The following TENM1 variants were observed in gnomAD, a reference collection of about 807,000 sequenced individuals.
TENM1 encodes the protein teneurin transmembrane protein 1.
Under a neutral mutation model 174.8 loss-of-function variants are expected in TENM1, and 35 were observed. The ratio of observed to expected loss-of-function variants is 0.20; its 90% CI spans 0.15 to 0.27. TENM1 has a LOEUF of 0.27. Ranked by LOEUF, TENM1 falls within the 10% of genes least tolerant of loss-of-function variation. The probability of loss-of-function intolerance (pLI) is 1.00; values close to 1 mark genes in which losing one functional copy is unlikely to be tolerated. For missense variants in TENM1, 1,633 were observed against 2,130.1 expected (o/e 0.77, Z 4.59); for synonymous variants, 781 against 798.7 (o/e 0.98, Z 0.37).
intron 20 of TENM1, among the ~76,000 whole-genome samples, chrX:124,494,771 T>C (rs1339707946): frequency 9.2e-6 from 1 of 109,165 alleles, no homozygotes; most frequent in South Asian, 4.1e-4. Flanking sequence ...TGTTTGGTTT[T>C]CTGCTCTTGC....
At chrX:124,486,079 T>G (rs922350569) in intron 21 of TENM1, among the ~76,000 whole-genome samples, 5 of 111,983 alleles carry the variant, frequency 4.5e-5, no homozygotes, top group Non-Finnish European at 7.5e-5. Context: ...CAAGTGTACT[T>G]TAGCTCTTTT....
intron 3 of TENM1, among the ~76,000 whole-genome samples, chrX:124,890,564 G>T (rs1307459921): frequency 8.9e-6 from 1 of 111,865 alleles, no homozygotes; most frequent in Non-Finnish European, 1.9e-5. Context: ...TGGCCAACAG[G>T]TATATGACAA....
intron 3 of TENM1, among the ~76,000 whole-genome samples, chrX:124,822,971 T>C (rs1000342591): frequency 2.7e-5 from 3 of 112,423 alleles, no homozygotes; most frequent in Non-Finnish European, 5.6e-5. Flanking sequence ...AAGTAATGGA[T>C]GATAGCTGAA....
At chrX:125,058,858 T>A in the TENM1 span, among the ~76,000 whole-genome samples, 1 of 110,907 alleles carries the variant, frequency 9.0e-6, no homozygotes, top group Non-Finnish European at 1.9e-5. Flanking sequence ...TATACATTAC[T>A]TTTTAAGAAC....
chrX:125,198,052 C>T, the TENM1 span, among the ~76,000 whole-genome samples: 1 of 111,898 alleles, frequency 8.9e-6, no homozygotes, highest in African/African-American at 3.2e-5. Context: ...AACTCATAAT[C>T]AGCCACAAAA....
At chrX:124,653,386 T>C (rs1477272926) in intron 7 of TENM1, among the ~76,000 whole-genome samples, 198 bp downstream of exon 10, 1 of 111,601 alleles carries the variant, frequency 9.0e-6, no homozygotes, top group Non-Finnish European at 1.9e-5. Flanking sequence ...CTGAATCTGC[T>C]CTGCTAAATG....
At chrX:124,752,520 G>T (rs2054102650) in intron 3 of TENM1, among the ~76,000 whole-genome samples, 2 of 111,484 alleles carry the variant, frequency 1.8e-5, no homozygotes, top group African/African-American at 6.5e-5. Context: ...GTCAATTTTG[G>T]CTTTCGTTGC....
chrX:124,967,870 C>A (rs2147832718), upstream of TENM1, among the ~76,000 whole-genome samples: 1 of 111,895 alleles, frequency 8.9e-6, no homozygotes, highest in East Asian at 2.8e-4. Flanking sequence ...CCACTAGGGT[C>A]ATCATCACAA....
intron 4 of TENM1, among the ~76,000 whole-genome samples, chrX:124,725,759 G>A (rs1035464988): frequency 4.5e-5 from 5 of 112,222 alleles, no homozygotes; most frequent in Admixed American, 9.4e-5. Context: ...ACACACACAC[G>A]TGCAGATACA....
chrX:124,583,598 G>C (rs748178275), intron 11 of TENM1, among the ~76,000 whole-genome samples: 5 of 111,299 alleles, frequency 4.5e-5, no homozygotes, highest in African/African-American at 1.6e-4. Context: ...AAACAGAGCA[G>C]AAAAACTGGA....
rs189655282 is a variant in TENM1 at position 124,485,503 on chromosome X, C to T, written c.3716+1706G>A. Among the ~76,000 whole-genome samples, 283 of 111,526 alleles carry T rather than the reference C, an allele frequency of 2.5e-3. 1 individual carries two copies. The highest frequency in any genetic ancestry group is 8.6e-3 in the African/African-American group (264 of 30,612). ...TTCTAGAAAAAAGAAGGGGTCAAAACCCTTCTTTGAAACAACTACAATATT... is the reference window on the plus strand; with the variant it reads ...TTCTAGAAAAAAGAAGGGGTCAAAATCCTTCTTTGAAACAACTACAATATT... On this transcript the variant is annotated intron_variant, in intron 21 of 31. Coordinates refer to ENST00000422452, the Ensembl canonical transcript of TENM1.
chrX:125,174,582 G>T, the TENM1 span, among the ~76,000 whole-genome samples: 6 of 111,348 alleles, frequency 5.4e-5, no homozygotes, highest in Non-Finnish European at 1.1e-4. Context: ...ATATCTACCA[G>T]ACTCATGTTT....
chrX:124,631,918 G>GTT (rs758718265), intron 11 of TENM1, among the ~76,000 whole-genome samples: 83 of 83,141 alleles, frequency 1.0e-3, no homozygotes, highest in Non-Finnish European at 9.5e-4. Context: ...AATCCATACA[G>GTT]TTTTTTTTTT....
intron 3 of TENM1, among the ~76,000 whole-genome samples, chrX:124,825,534 A>G (rs1603231887): frequency 9.0e-6 from 1 of 111,161 alleles, no homozygotes; most frequent in East Asian, 2.8e-4. Flanking sequence ...CAATTCAGAT[A>G]TGCTACTTCT....
chrX:124,383,770 A>C (rs767334788), exon 30 of TENM1: 15 of 1,211,417 alleles, frequency 1.2e-5, no homozygotes, highest in Non-Finnish European at 1.7e-5. Context: ...TGCCAGCAAC[A>C]ACATCATAAT....
At position 124,760,403 on chromosome X, in the gene TENM1, T is replaced by C. The variant is rs757622145; in HGVS notation, c.536-23206A>G. 1.1e-4 allele frequency among the ~76,000 whole-genome samples: 12 copies of C among 111,719 alleles called. No individual in the cohort carries two copies. The South Asian group carries it at 3.8e-3, about 35-fold the overall frequency. On this transcript the variant is annotated intron_variant, in intron 3 of 31. Transcript: ENST00000422452. Reference sequence around the variant, plus strand: ...AGAGAGCTGCTTCCTCTTTTCCTAATTGAATCCCCTTTATTTCTTTCTTTT... The same window carrying C: ...AGAGAGCTGCTTCCTCTTTTCCTAACTGAATCCCCTTTATTTCTTTCTTTT...
chrX:124,524,712 A>G (rs1033100871), intron 16 of TENM1, among the ~76,000 whole-genome samples: 4 of 111,944 alleles, frequency 3.6e-5, no homozygotes, highest in African/African-American at 1.3e-4. Flanking sequence ...AGCTCTGTCT[A>G]TCTCTAGATG....
chrX:124,696,632 A>G (rs1376965976), intron 5 of TENM1, among the ~76,000 whole-genome samples: 1 of 111,120 alleles, frequency 9.0e-6, no homozygotes, highest in African/African-American at 3.3e-5. Flanking sequence ...TTTATTTAAT[A>G]TTATTTTCAT....
intron 3 of TENM1, among the ~76,000 whole-genome samples, chrX:124,755,261 T>C (rs1294618602): frequency 9.1e-5 from 10 of 110,182 alleles, no homozygotes; most frequent in Non-Finnish European, 1.5e-4. Context: ...TTTGTCTCTT[T>C]TGATCTTTGT....
Sources: allele counts gnomAD v4.1 joint callset (sites outside exome capture counted in the v4.1 genomes callset), GRCh38; gene constraint gnomAD v4.1.1; transcripts MANE v1.5; gene names NCBI Gene and HGNC (gene_info 2026-07-23, HGNC 2026-07-21).